The following CHRNA4 variants were observed in gnomAD, a reference collection of about 807,000 sequenced individuals.
CHRNA4 encodes the protein neuronal acetylcholine receptor subunit alpha-4.
In CHRNA4, 28 loss-of-function variants were observed where a neutral mutation model predicts 48.9. The ratio of observed to expected loss-of-function variants is 0.57; its 90% CI spans 0.42 to 0.79. The LOEUF is 0.79. Among genes scored for constraint, CHRNA4 ranks in the 30% least tolerant of loss-of-function variants. The pLI, the probability that CHRNA4 is intolerant of heterozygous loss-of-function variation, is 0.00. For missense variants in CHRNA4, 859 were observed against 898.4 expected (o/e 0.96, Z 0.56); for synonymous variants, 425 against 402.3 (o/e 1.06, Z -0.68).
chr20:63,357,002 T>TGGACCACATCTCCATGGACCACATCC (rs1184764739), intron 2 of CHRNA4, among the ~76,000 whole-genome samples: 1 of 10,622 alleles, frequency 9.4e-5, no homozygotes, highest in African/African-American at 1.6e-4. Flanking sequence ...CGACCACATC[T>TGGACCACATCTCCATGGACCACATCC]CCATGGACCA....
chr20:63,357,956 G>A (rs746290987), intron 2 of CHRNA4, among the ~76,000 whole-genome samples: 3 of 152,218 alleles, frequency 2.0e-5, no homozygotes, highest in Non-Finnish European at 4.4e-5. Context: ...CATGGATTGA[G>A]CCCTGAGAAG....
intron 4 of CHRNA4, chr20:63,354,770 G>T (rs897320238): frequency 2.9e-5 from 12 of 420,890 alleles, no homozygotes; most frequent in Non-Finnish European, 3.8e-5. Context: ...ATGTGTCCAT[G>T]CGAGTCACAC....
intron 5 of CHRNA4, among the ~76,000 whole-genome samples, chr20:63,348,879 C>A (rs1601470005): frequency 6.6e-6 from 1 of 152,158 alleles, no homozygotes; most frequent in East Asian, 1.9e-4. Flanking sequence ...CTGGCTCAGC[C>A]CCAGCCTCTC....
chr20:63,347,638 C>T (rs541647115), intron 5 of CHRNA4, among the ~76,000 whole-genome samples: 1 of 152,334 alleles, frequency 6.6e-6, no homozygotes, highest in East Asian at 1.9e-4. Context: ...CAGCCCAAGG[C>T]ACTCATGCCG....
chr20:63,344,249 G>A lies in CHRNA4; in HGVS notation c.*2489C>T, dbSNP rs201157455. On this transcript the variant is annotated 3_prime_UTR_variant, in exon 6 of 6. Coordinates refer to ENST00000370263, the MANE Select transcript of CHRNA4 (RefSeq NM_000744.7). This position sits in a 1 kb window ranked among gnomAD's most constrained non-coding sequence, Gnocchi z 4.5. Reference sequence around the variant, plus strand: ...GCAGGATTCTGACTCCTCGAAGGTCGTGAGCCGGAGAGGTCAATCCACGGT... The same window carrying A: ...GCAGGATTCTGACTCCTCGAAGGTCATGAGCCGGAGAGGTCAATCCACGGT... The A allele has an allele frequency of 2.1e-3, 957 of 453,910 alleles. 14 individuals carry two copies. Among genetic ancestry groups the A allele is most frequent in the South Asian group, 0.013 (850 of 64,442 alleles). 28.1% of individuals were successfully genotyped at this position (453,910 alleles called of 1,614,324 possible). A position where few individuals can be genotyped will look rare whatever the true frequency, so the allele number is the denominator to read the frequency against.
chr20:63,346,696 C>T lies in CHRNA4; in HGVS notation c.*42G>A, dbSNP rs200167733. 80 of 1,582,254 alleles carry T rather than the reference C, an allele frequency of 5.1e-5. No individual in the cohort carries two copies. Among genetic ancestry groups the T allele is most frequent in the South Asian group, 7.9e-5 (7 of 89,056 alleles). The stretch of plus-strand genomic sequence containing the variant: ...AGGCCGGCCGCATGGATGCTGGCCC[C>T]GTGCACGGCAGCCCCAGGCCACGCA... On this transcript the variant is annotated 3_prime_UTR_variant, in exon 6 of 6. Transcript: ENST00000370263.
rs201497655 is a variant in CHRNA4, at chr20:63,344,083, G to A, written c.*2655C>T. On this transcript the variant is annotated 3_prime_UTR_variant, in exon 6 of 6. Coordinates refer to ENST00000370263, the MANE Select transcript of CHRNA4 (RefSeq NM_000744.7). The surrounding 1 kb of genome is among the most constrained non-coding windows in gnomAD (Gnocchi z 4.5). ...CACTAACAGGTGATGGACAAACTGC[G>A]TCTTAGTTTATTCAGACAGAAGAAC... 3.7e-5 allele frequency: 17 copies of A among 454,024 alleles called. No homozygotes were observed. The highest frequency in any genetic ancestry group is 6.8e-4 in the Middle Eastern group (1 of 1,466). The allele number at this position is 454,024 out of a possible 1,614,324, so 28.1% of individuals were successfully genotyped here.
At chr20:63,359,861 C>A (rs879356003) in intron 1 of CHRNA4, 162 bp from the exon 2 acceptor site, 17 of 824,292 alleles carry the variant, frequency 2.1e-5, no homozygotes, top group Admixed American at 1.2e-4. Flanking sequence ...GTGTGCCGGG[C>A]GTGCGCTCTG....
rs201484306 is a variant in CHRNA4 at position 63,359,629 on chromosome 20, G to A, written c.147C>T (p.Asn49=). The change falls in exon 2 of 6, where the codon AAC becomes AAT. Residue 49 remains asparagine, a synonymous_variant. Transcript: ENST00000370263. ...TGTTGGCCACGGGTCGGGACCACTT[G>A]TTGTAACCGGAGAAGAGTTTCTTCA... The part of the protein sequence containing the change: ...RLLKKLFSGY[N]KWSRPVANIS... The A allele has an allele frequency of 1.1e-5, 18 of 1,612,602 alleles. No individual in the cohort carries two copies. Among genetic ancestry groups the A allele is most frequent in the Non-Finnish European group, 1.5e-5 (18 of 1,179,870 alleles).
Position 63,345,279 on chromosome 20 carries a change from G to A in CHRNA4, c.*1459C>T, listed in dbSNP as rs1213173098. On this transcript the variant is annotated 3_prime_UTR_variant, in exon 6 of 6. Coordinates refer to ENST00000370263, the MANE Select transcript of CHRNA4 (RefSeq NM_000744.7). The surrounding 1 kb of genome is among the most constrained non-coding windows in gnomAD (Gnocchi z 5.4). Reference sequence around the variant, plus strand: ...CCCACCCCTGGCTGGATGGGGTCTGGGGGCAGCAGAATGTGGACCACTCAG... The same window carrying A: ...CCCACCCCTGGCTGGATGGGGTCTGAGGGCAGCAGAATGTGGACCACTCAG... 1 of 453,572 alleles carries A rather than the reference G, an allele frequency of 2.2e-6. No individual in the cohort carries two copies. Among genetic ancestry groups the A allele is most frequent in the East Asian group, 7.0e-5 (1 of 14,364 alleles). The allele number at this position is 453,572 out of a possible 1,614,324, so 28.1% of individuals were successfully genotyped here. A position where few individuals can be genotyped will look rare whatever the true frequency, so the allele number is the denominator to read the frequency against.
chr20:63,349,447 GGGGCCCCCTGCCCCGCTCA>G, intron 5 of CHRNA4, 187 bp downstream of exon 5: 1 of 673,910 alleles, frequency 1.5e-6, no homozygotes, highest in East Asian at 2.7e-5. Context: ...CCAGCCACTC[GGGGCCCCCTGCCCCGCTCA>G]GCCTGGGACC....
At chr20:63,347,280 C>A (rs1293813271) in intron 5 of CHRNA4, among the ~76,000 whole-genome samples, 1 of 152,330 alleles carries the variant, frequency 6.6e-6, no homozygotes, top group East Asian at 1.9e-4. Context: ...GCCCATCCCC[C>A]TCCCCGTTTT....
At position 63,345,105 on chromosome 20, in the gene CHRNA4, C is replaced by T. The variant is rs200814600; in HGVS notation, c.*1633G>A. The T allele has an allele frequency of 1.5e-5, 7 of 453,912 alleles. No individual in the cohort carries two copies. Among genetic ancestry groups the T allele is most frequent in the Admixed American group, 2.4e-5 (1 of 42,548 alleles). 28.1% of individuals were successfully genotyped at this position (453,912 alleles called of 1,614,324 possible). ...CACGTCACTGCCCGCGGGGACACAG[C>T]GGCATTTCTGGGGCACTCGGCATGC... On this transcript the variant is annotated 3_prime_UTR_variant, in exon 6 of 6. Coordinates refer to ENST00000370263, the MANE Select transcript of CHRNA4 (RefSeq NM_000744.7). This position sits in a 1 kb window ranked among gnomAD's most constrained non-coding sequence, Gnocchi z 5.4.
At chr20:63,352,547 G>A (rs2068631521) in intron 4 of CHRNA4, among the ~76,000 whole-genome samples, 1 of 152,286 alleles carries the variant, frequency 6.6e-6, no homozygotes, top group East Asian at 1.9e-4. Context: ...CCAGCGGGGG[G>A]CGGGGCTTTA....
chr20:63,349,705 T>G lies in CHRNA4; in HGVS notation c.1706A>C (p.Glu569Ala), dbSNP rs2068552046. 3.7e-6 allele frequency: 6 copies of G among 1,612,678 alleles called. No individual in the cohort carries two copies. ...GTGGTCTGCAATGTACTGGACGCCC[T>G]CCACCGCCCGGGTCAGGGCCGGCGA... is the stretch of plus-strand genomic sequence containing the variant. ...PLSPALTRAV[E>A]GVQYIADHLK... The change falls in exon 5 of 6, where the codon GAG (glutamate) becomes GCG (alanine). Residue 569 changes from glutamate to alanine, a missense_variant. Around this residue, in one of 3 missense-constraint regions of CHRNA4, gnomAD observed 478 missense variants for 455.4 expected, o/e 1.05. Transcript: ENST00000370263.
intron 2 of CHRNA4, chr20:63,359,338 G>T: frequency 1.5e-6 from 1 of 659,418 alleles, no homozygotes. Flanking sequence ...GGAGGAAAGG[G>T]CAGGGCCTGG....
At position 63,346,893 on chromosome 20, in the gene CHRNA4, C is replaced by T. The variant is rs56328826; in HGVS notation, c.1759-30G>A. The stretch of plus-strand genomic sequence containing the variant: ...AAGCACAGACGCCGTCACTCCAGCA[C>T]GGCCCGGCCGCCGCCAGCGGGGACA... On this transcript the variant is annotated intron_variant, in intron 5 of 5. Transcript: ENST00000370263. The T allele has an allele frequency of 3.8e-4, 612 of 1,611,410 alleles. 1 individual carries two copies. The highest frequency in any genetic ancestry group is 6.8e-4 in the Admixed American group (41 of 59,994).
rs746137844 is a variant in CHRNA4 at position 63,350,238 on chromosome 20, C to T, written c.1173G>A (p.Glu391=). 1 of 1,609,174 alleles carries T rather than the reference C, an allele frequency of 6.2e-7. No individual in the cohort carries two copies. Among genetic ancestry groups the T allele is most frequent in the South Asian group, 1.1e-5 (1 of 90,758 alleles). ...APRFWPEPEG[E]PPATSGTQSL... is the part of the protein sequence containing the mutation. ...TCTGGGTGCCGCTCGTGGCAGGGGG[C>T]TCCCCTTCTGGCTCGGGCCAGAAGC... The change falls in exon 5 of 6, where the codon GAG becomes GAA. Residue 391 remains glutamate, a synonymous_variant. Transcript: ENST00000370263.
At position 63,344,572 on chromosome 20, in the gene CHRNA4, G is replaced by A. The variant is rs768747198; in HGVS notation, c.*2166C>T. 6 of 453,126 alleles carry A rather than the reference G, an allele frequency of 1.3e-5. No homozygotes were observed. Among genetic ancestry groups the A allele is most frequent in the African/African-American group, 2.0e-5 (1 of 49,776 alleles). The allele number at this position is 453,126 out of a possible 1,614,324, so 28.1% of individuals were successfully genotyped here. ...GGCAGGAGGGTCCCCCGGCAGGAGC[G>A]TCCCAGCCACTCCGCAGTCACTCCT... On this transcript the variant is annotated 3_prime_UTR_variant, in exon 6 of 6. Transcript: ENST00000370263. The surrounding 1 kb of genome is among the most constrained non-coding windows in gnomAD (Gnocchi z 4.5).
Sources: gnomAD v4.1 joint callset for allele counts (sites outside exome capture counted in the v4.1 genomes callset) on GRCh38, gnomAD v4.1.1 for gene constraint, gnomAD v4.1.1 regional missense constraint, Gnocchi (gnomAD v3.1) non-coding constraint, MANE v1.5 for transcripts, NCBI Gene and HGNC (gene_info 2026-07-23, HGNC 2026-07-21) for gene names.